The following LCORL variants were observed in gnomAD, a reference collection of about 807,000 sequenced individuals.
The protein encoded by LCORL is ligand dependent nuclear receptor corepressor like, also known as ligand-dependent nuclear receptor corepressor-like protein.
LCORL carries 41 observed loss-of-function variants against 141.8 expected under a neutral mutation model. The observed-to-expected ratio is 0.29, with a 90% CI of 0.23 to 0.38. LCORL has a LOEUF of 0.38. LCORL is among the 10% of genes least tolerant of loss of function. LCORL has a pLI of 1.00. For synonymous variants in LCORL, 618 were observed against 694.1 expected (o/e 0.89, Z 1.72); for missense variants, 1,759 against 2,035.0 (o/e 0.86, Z 2.61).
At chr4:17,845,502 AAG>A (rs1476248185) in exon 8 of LCORL, 3 of 399,350 alleles carry the variant, frequency 7.5e-6, no homozygotes, top group Non-Finnish European at 1.3e-5. Flanking sequence ...ATACCACTAA[AAG>A]AGAAACATCA....
chr4:17,910,337 T>A (rs1732325542), intron 4 of LCORL, among the ~76,000 whole-genome samples: 1 of 152,308 alleles, frequency 6.6e-6, no homozygotes, highest in South Asian at 2.1e-4. Flanking sequence ...CCTTTAGATG[T>A]AAGGTGATTG....
intron 1 of LCORL, among the ~76,000 whole-genome samples, chr4:18,020,037 G>A (rs537658094): frequency 1.3e-5 from 2 of 152,116 alleles, no homozygotes; most frequent in Non-Finnish European, 2.9e-5. Context: ...CCTTAGAGAA[G>A]ACCAAAATAC....
intron 1 of LCORL, among the ~76,000 whole-genome samples, chr4:17,999,611 G>A (rs1721594448): frequency 1.3e-5 from 2 of 152,184 alleles, no homozygotes; most frequent in African/African-American, 2.4e-5. Flanking sequence ...TAATTTGCAA[G>A]AGCAATCAAT....
chr4:18,011,888 T>C (rs909405904), intron 1 of LCORL, among the ~76,000 whole-genome samples: 2 of 152,218 alleles, frequency 1.3e-5, no homozygotes, highest in Admixed American at 1.3e-4. Flanking sequence ...TCATTTTGAA[T>C]CCTTCAAGTC....
At chr4:18,005,428 C>G (rs1250495794) in intron 1 of LCORL, among the ~76,000 whole-genome samples, 1 of 152,150 alleles carries the variant, frequency 6.6e-6, no homozygotes, top group East Asian at 1.9e-4. Flanking sequence ...ATCTACCATT[C>G]TGGGGTCTGA....
chr4:17,922,478 T>C (rs747770030), intron 4 of LCORL, among the ~76,000 whole-genome samples: 3 of 152,172 alleles, frequency 2.0e-5, no homozygotes, highest in Non-Finnish European at 4.4e-5. Context: ...ATGAAGTCGG[T>C]TGGTTGCTCC....
chr4:17,843,427 A>G (rs1722624161), exon 8 of LCORL: 2 of 1,610,708 alleles, frequency 1.2e-6, no homozygotes, highest in African/African-American at 2.7e-5. Flanking sequence ...CTAAGTTAGG[A>G]AAGACGATGG....
At position 17,851,678 on chromosome 4, in the gene LCORL, AT is replaced by A. The variant is rs538577777; in HGVS notation, c.5603-5778del. ...TGAATATTCTTGCATGTGTTCAAGT[AT>A]ATCTATAGAGCTGACGAGGAGTAGA... On this transcript the variant is annotated intron_variant, in intron 7 of 7. Transcript: ENST00000635767. 1.9e-3 allele frequency among the ~76,000 whole-genome samples: 284 copies of A among 152,320 alleles called. 1 individual carries two copies. Among genetic ancestry groups the A allele is most frequent in the Non-Finnish European group, 2.9e-3 (195 of 68,024 alleles).
At chr4:17,905,600 T>G (rs1731484206) in intron 5 of LCORL, among the ~76,000 whole-genome samples, 1 of 152,098 alleles carries the variant, frequency 6.6e-6, no homozygotes, top group Non-Finnish European at 1.5e-5. Context: ...AATTATTTGT[T>G]GCTTTAAGAG....
intron 7 of LCORL, among the ~76,000 whole-genome samples, chr4:17,864,173 T>C (rs146734686): frequency 1.5e-4 from 23 of 152,294 alleles, no homozygotes; most frequent in African/African-American, 5.1e-4. Context: ...TACTATATTA[T>C]TATTTGAAGG....
intron 7 of LCORL, among the ~76,000 whole-genome samples, chr4:17,856,821 T>A (rs1407406435): frequency 1.3e-5 from 2 of 152,198 alleles, no homozygotes; most frequent in East Asian, 3.9e-4. Flanking sequence ...GGTTATGCAT[T>A]ACTTATTCAG....
chr4:17,874,338 G>A, exon 7 of LCORL: 1 of 1,233,868 alleles, frequency 8.1e-7, no homozygotes, highest in Non-Finnish European at 1.0e-6. Context: ...CTTTCTGAAG[G>A]GGCTGGCATT....
intron 1 of LCORL, among the ~76,000 whole-genome samples, chr4:17,983,355 GA>G: frequency 6.6e-6 from 1 of 152,124 alleles, no homozygotes; most frequent in Non-Finnish European, 1.5e-5. Flanking sequence ...TTGCTTGGGG[GA>G]AAATGGTCAT....
chr4:17,883,462 T>C, intron 6 of LCORL: 1 of 1,195,662 alleles, frequency 8.4e-7, no homozygotes, highest in African/African-American at 1.6e-5. Flanking sequence ...CACCTATTTA[T>C]ACAAGGATTA....
chr4:18,021,710 A>C lies in LCORL; in HGVS notation c.42T>G (p.Ala14=). 6.6e-7 allele frequency: 1 copy of C among 1,523,650 alleles called. No homozygotes were observed. The highest frequency in any genetic ancestry group is 8.8e-7 in the Non-Finnish European group (1 of 1,134,474). The allele number at this position is 1,523,650 out of a possible 1,614,324, so 94.4% of individuals were successfully genotyped here. A position where few individuals can be genotyped will look rare whatever the true frequency, so the allele number is the denominator to read the frequency against. The change falls in exon 1 of 8, where the codon GCT becomes GCG. Residue 14 remains alanine (A), a synonymous_variant. Transcript: ENST00000635767. This position sits in a 1 kb window ranked among gnomAD's most constrained non-coding sequence, Gnocchi z 5.5. ...GAGCGGCGGCGGCGGCGGCGGCAGC[A>C]GCGGCGGCGGCAGCGGCCATTCTCT...
intron 7 of LCORL, among the ~76,000 whole-genome samples, chr4:17,867,558 C>G (rs895467599): frequency 6.6e-6 from 1 of 152,188 alleles, no homozygotes; most frequent in Admixed American, 6.5e-5. Flanking sequence ...CTACAACCAC[C>G]AGTATGTGGA....
At chr4:18,016,336 A>T (rs540527564) in intron 1 of LCORL, among the ~76,000 whole-genome samples, 196 of 152,328 alleles carry the variant, frequency 1.3e-3, no homozygotes, top group Middle Eastern at 3.4e-3. Flanking sequence ...AAGTGGTAAC[A>T]ACAGGATTCA....
chr4:17,882,242 A>G, intron 6 of LCORL: 1 of 984,604 alleles, frequency 1.0e-6, no homozygotes, highest in Non-Finnish European at 1.2e-6. Context: ...TTTTAAATTC[A>G]GCTAAAAGTA....
intron 4 of LCORL, among the ~76,000 whole-genome samples, chr4:17,960,095 T>A (rs192291791): frequency 1.1e-4 from 16 of 152,256 alleles, no homozygotes; most frequent in Admixed American, 8.5e-4. Flanking sequence ...AAAACTTTTA[T>A]GTTTAATTAA....
Sources: allele counts gnomAD v4.1 joint callset (sites outside exome capture counted in the v4.1 genomes callset), GRCh38; gene constraint gnomAD v4.1.1; non-coding constraint Gnocchi (gnomAD v3.1); transcripts MANE v1.5; gene names NCBI Gene and HGNC (gene_info 2026-07-23, HGNC 2026-07-21).